The following TXNRD1 variants were observed in gnomAD, a reference collection of about 807,000 sequenced individuals.
The protein encoded by TXNRD1 is thioredoxin reductase 1, cytoplasmic.
A neutral mutation model predicts 80.3 loss-of-function variants in TXNRD1; 57 were observed. That is an observed-to-expected ratio of 0.71 (90% CI 0.57 to 0.89). The LOEUF (loss-of-function observed/expected upper bound fraction) is 0.89. TXNRD1 is among the 40% of genes least tolerant of loss of function. TXNRD1 has a pLI of 0.00. For synonymous variants in TXNRD1, 291 were observed against 285.2 expected (o/e 1.02, Z -0.20); for missense variants, 730 against 803.0 (o/e 0.91, Z 1.10).
At chr12:104,300,153 G>A (rs1295805648) in intron 4 of TXNRD1, among the ~76,000 whole-genome samples, 1 of 152,198 alleles carries the variant, frequency 6.6e-6, no homozygotes, top group Non-Finnish European at 1.5e-5. Flanking sequence ...ACCCTATCAC[G>A]TTTGTGTTGA....
chr12:104,251,927 G>T (rs945926816), intron 2 of TXNRD1, among the ~76,000 whole-genome samples: 5 of 151,918 alleles, frequency 3.3e-5, no homozygotes, highest in African/African-American at 1.2e-4. Context: ...AGCCCAACGT[G>T]GTGTCATGTG....
chr12:104,268,355 CA>C (rs137904840), intron 3 of TXNRD1, among the ~76,000 whole-genome samples: 5 of 144,320 alleles, frequency 3.5e-5, no homozygotes, highest in Admixed American at 1.4e-4. Context: ...ACTAAAAATA[CA>C]AAAAAAAAAC....
chr12:104,222,244 T>G (rs994499878), intron 1 of TXNRD1, among the ~76,000 whole-genome samples: 3 of 152,178 alleles, frequency 2.0e-5, no homozygotes, highest in Non-Finnish European at 4.4e-5. Flanking sequence ...GTCTTTTGAA[T>G]GTATAGAAGT....
chr12:104,281,119 C>T (rs2033867098), intron 3 of TXNRD1, among the ~76,000 whole-genome samples: 1 of 152,062 alleles, frequency 6.6e-6, no homozygotes, highest in Non-Finnish European at 1.5e-5. Context: ...TATTGTTTTC[C>T]CCCACCTCCC....
intron 7 of TXNRD1, among the ~76,000 whole-genome samples, chr12:104,317,006 T>C: frequency 6.6e-6 from 1 of 152,250 alleles, no homozygotes; most frequent in Non-Finnish European, 1.5e-5. Flanking sequence ...GTTGATGCTT[T>C]TACTTCCTAC....
Position 104,321,122 on chromosome 12 carries a change from G to T in TXNRD1, c.1021G>T (p.Gly341Cys). 6.2e-7 allele frequency: 1 copy of T among 1,612,464 alleles called. No homozygotes were observed. The change falls in exon 10 of 17, where the codon GGT becomes TGT. Residue 341 changes from glycine to cysteine, a missense_variant. Physicochemically the swap from Gly to Cys is radical, Grantham distance 159. Transcript: ENST00000525566. ...TCTTTTCTCCTTGCCTTACTGCCCG[G>T]GTAAGACCCTGGTTGTTGGAGCATC... is the stretch of plus-strand genomic sequence containing the variant. Reference protein sequence around the residue: ...DDLFSLPYCPGKTLVVGASYV... With the variant: ...DDLFSLPYCPCKTLVVGASYV...
intron 4 of TXNRD1, chr12:104,304,695 G>A (rs1304508941): frequency 1.2e-6 from 2 of 1,613,804 alleles, no homozygotes; most frequent in East Asian, 2.2e-5. Context: ...TCTTTTTCTC[G>A]TACTGTGGAG....
chr12:104,215,912 G>T lies in TXNRD1; in HGVS notation c.91+19G>T. The T allele has an allele frequency of 6.5e-7, 1 of 1,543,652 alleles. No homozygotes were observed. The highest frequency in any genetic ancestry group is 8.8e-7 in the Non-Finnish European group (1 of 1,141,144). ...AGGTCAGGTACGACCGAGGGCGAAG[G>T]CCTGGTCCCCAGGTCGACGGGCCGA... On this transcript the variant is annotated intron_variant, in intron 1 of 16. Transcript: ENST00000525566.
At chr12:104,316,016 A>G in intron 7 of TXNRD1, 120 bp downstream of exon 7, 5 of 1,106,410 alleles carry the variant, frequency 4.5e-6, no homozygotes, top group South Asian at 1.6e-5. Flanking sequence ...TATTGTTTAC[A>G]TTTTTGATGG....
chr12:104,287,509 G>T, intron 3 of TXNRD1: 1 of 1,599,898 alleles, frequency 6.3e-7, no homozygotes, highest in Non-Finnish European at 8.5e-7. Context: ...AGATCCTTGA[G>T]AATATTAAGA....
At chr12:104,332,609 A>AGTG (rs972418137) in intron 14 of TXNRD1, among the ~76,000 whole-genome samples, 2 of 151,784 alleles carry the variant, frequency 1.3e-5, no homozygotes, top group African/African-American at 4.8e-5. Context: ...ATTAGCCAGG[A>AGTG]GTGGTGGTGC....
chr12:104,290,755 A>ATATG (rs1555212100), intron 4 of TXNRD1, among the ~76,000 whole-genome samples: 5 of 115,072 alleles, frequency 4.3e-5, no homozygotes, highest in South Asian at 3.0e-4. Flanking sequence ...ATATATATAT[A>ATATG]TATGTATATT....
chr12:104,272,937 C>T (rs1053464892), intron 3 of TXNRD1, among the ~76,000 whole-genome samples: 2 of 152,040 alleles, frequency 1.3e-5, no homozygotes, highest in Non-Finnish European at 2.9e-5. Context: ...TTGCAGTGAG[C>T]CAAGATCACA....
intron 4 of TXNRD1, among the ~76,000 whole-genome samples, chr12:104,292,435 C>T (rs893981898): frequency 1.4e-5 from 2 of 142,872 alleles, no homozygotes. Context: ...GTTGCCTGGG[C>T]TGGAGTGCAG....
intron 3 of TXNRD1, among the ~76,000 whole-genome samples, chr12:104,261,986 G>A (rs970611395): frequency 4.0e-5 from 6 of 151,650 alleles, no homozygotes; most frequent in African/African-American, 1.5e-4. Context: ...GATGTCAGGT[G>A]ATCCACCTGC....
At chr12:104,299,493 G>T (rs1178967118) in intron 4 of TXNRD1, among the ~76,000 whole-genome samples, 1 of 151,966 alleles carries the variant, frequency 6.6e-6, no homozygotes, top group African/African-American at 2.4e-5. Flanking sequence ...AAACTGCCAG[G>T]CACAGTGGCT....
Position 104,220,746 on chromosome 12 carries a change from G to A in TXNRD1, c.91+4853G>A, listed in dbSNP as rs560343140. Among the ~76,000 whole-genome samples, 7 of 150,396 alleles carry A rather than the reference G, an allele frequency of 4.7e-5. 2 individuals carry two copies. The South Asian group carries it at 8.5e-4, about 18-fold the overall frequency. ...GTCTCCAAAAAAAAAAAAACGGTGG[G>A]GGGGAGGCGGTATTTTAGATTTACA... On this transcript the variant is annotated intron_variant, in intron 1 of 16. Coordinates refer to ENST00000525566, the MANE Select transcript of TXNRD1 (RefSeq NM_001093771.3).
At chr12:104,341,885 T>A (rs1393698719) in intron 16 of TXNRD1, among the ~76,000 whole-genome samples, 2 of 152,286 alleles carry the variant, frequency 1.3e-5, no homozygotes, top group East Asian at 3.9e-4. Context: ...GATAAATTGC[T>A]AGCATGGCTC....
intron 1 of TXNRD1, among the ~76,000 whole-genome samples, chr12:104,247,072 T>G (rs2033011007): frequency 6.6e-6 from 1 of 152,106 alleles, no homozygotes. Flanking sequence ...GTTTGTTTGT[T>G]TGTTTGTTTG....
Sources: allele counts gnomAD v4.1 joint callset (sites outside exome capture counted in the v4.1 genomes callset), GRCh38; gene constraint gnomAD v4.1.1; transcripts MANE v1.5; gene names NCBI Gene and HGNC (gene_info 2026-07-23, HGNC 2026-07-21).